THSD7B: variants seen among roughly 807,000 people sequenced by gnomAD.
The protein encoded by THSD7B is thrombospondin type 1 domain containing 7B.
A neutral mutation model predicts 213.6 loss-of-function variants in THSD7B; 138 were observed. That is an observed-to-expected ratio of 0.65 (90% CI 0.56 to 0.74). THSD7B has a LOEUF of 0.74. Ranked by LOEUF, THSD7B falls within the 30% of genes least tolerant of loss-of-function variation. THSD7B has a pLI of 0.00. For missense variants in THSD7B, 1,931 were observed against 1,991.5 expected (o/e 0.97, Z 0.58); for synonymous variants, 742 against 687.0 (o/e 1.08, Z -1.25).
chr2:137,058,693 G>A lies in THSD7B; in HGVS notation c.950+1463G>A, dbSNP rs375285182. 2.0e-5 allele frequency among the ~76,000 whole-genome samples: 3 copies of A among 152,152 alleles called. No homozygotes were observed. The East Asian group carries it at 5.8e-4, about 29-fold the overall frequency. ...ATTTATGTATCGAAATTCTAACCAT[G>A]AGTGTAATGTTTTTAGGAGGCATGG... On this transcript the variant is annotated intron_variant, in intron 3 of 27. Coordinates refer to ENST00000409968, the MANE Select transcript of THSD7B (RefSeq NM_001316349.2).
intron 2 of THSD7B, among the ~76,000 whole-genome samples, chr2:136,922,198 A>G (rs1684447795): frequency 6.6e-6 from 1 of 152,160 alleles, no homozygotes; most frequent in African/African-American, 2.4e-5. Context: ...TCCACATAGG[A>G]ACTCAGTATG....
intron 12 of THSD7B, among the ~76,000 whole-genome samples, chr2:137,285,400 A>G (rs917199656): frequency 1.3e-5 from 2 of 152,048 alleles, no homozygotes; most frequent in African/African-American, 4.8e-5. Context: ...GCCCATTAGC[A>G]TTTAAGGTTA....
intron 15 of THSD7B, among the ~76,000 whole-genome samples, chr2:137,453,562 C>CTCG (rs1553451162): frequency 6.6e-6 from 1 of 152,158 alleles, no homozygotes. Context: ...ATCTCCTGAC[C>CTCG]TCGTGCTCTG....
At chr2:137,514,421 C>A (rs1558823419) in intron 15 of THSD7B, among the ~76,000 whole-genome samples, 1 of 152,170 alleles carries the variant, frequency 6.6e-6, no homozygotes, top group Non-Finnish European at 1.5e-5. Context: ...ACATTGGACT[C>A]CAAGTTCTTC....
At chr2:137,477,564 A>G (rs1407115615) in intron 15 of THSD7B, among the ~76,000 whole-genome samples, 1 of 151,580 alleles carries the variant, frequency 6.6e-6, no homozygotes, top group Non-Finnish European at 1.5e-5. Flanking sequence ...CTTTCATTTT[A>G]TTAACTGATT....
chr2:137,595,832 A>G (rs979230029), intron 17 of THSD7B, among the ~76,000 whole-genome samples: 6 of 151,954 alleles, frequency 3.9e-5, no homozygotes, highest in Non-Finnish European at 5.9e-5. Context: ...ATTATTACAA[A>G]CTTCAAGTGA....
At chr2:137,013,455 A>G (rs1336628837) in intron 2 of THSD7B, among the ~76,000 whole-genome samples, 1 of 152,194 alleles carries the variant, frequency 6.6e-6, no homozygotes, top group Non-Finnish European at 1.5e-5. Flanking sequence ...TAGAGTTCTT[A>G]GGATAGGGTA....
chr2:137,319,654 C>T (rs1403988246), intron 12 of THSD7B, among the ~76,000 whole-genome samples: 3 of 152,194 alleles, frequency 2.0e-5, no homozygotes, highest in African/African-American at 7.2e-5. Flanking sequence ...CTCTACTCAA[C>T]TTATCAGTTC....
chr2:137,048,666 A>G (rs1350373830), intron 2 of THSD7B, among the ~76,000 whole-genome samples: 2 of 152,222 alleles, frequency 1.3e-5, no homozygotes, highest in South Asian at 2.1e-4. Flanking sequence ...CATAGTCCCA[A>G]CGTTACTGCC....
chr2:136,830,728 T>G (rs972366432), intron 1 of THSD7B, among the ~76,000 whole-genome samples: 1 of 152,230 alleles, frequency 6.6e-6, no homozygotes, highest in Non-Finnish European at 1.5e-5. Flanking sequence ...TCAGCCTATT[T>G]TTCAAATGTT....
intron 12 of THSD7B, among the ~76,000 whole-genome samples, chr2:137,317,123 G>GA (rs1220037107): frequency 6.6e-6 from 1 of 151,974 alleles, no homozygotes; most frequent in Non-Finnish European, 1.5e-5. Context: ...CAAATTTTTT[G>GA]TATATCTTGA....
At chr2:137,611,294 C>G (rs1364769821) in intron 17 of THSD7B, among the ~76,000 whole-genome samples, 3 of 151,298 alleles carry the variant, frequency 2.0e-5, no homozygotes, top group Non-Finnish European at 4.4e-5. Flanking sequence ...TAATTTTTAC[C>G]CTGAGTATAT....
At chr2:136,824,529 T>G (rs1189536341) in intron 1 of THSD7B, among the ~76,000 whole-genome samples, 1 of 152,218 alleles carries the variant, frequency 6.6e-6, no homozygotes, top group African/African-American at 2.4e-5. Flanking sequence ...TGAGCTTCAG[T>G]ATTTTGAGTG....
At chr2:137,561,308 G>T (rs1204762836) in intron 15 of THSD7B, among the ~76,000 whole-genome samples, 27 of 152,128 alleles carry the variant, frequency 1.8e-4, no homozygotes, top group Non-Finnish European at 3.5e-4. Flanking sequence ...TGACCTTGGG[G>T]CTTTATATGG....
At chr2:137,157,342 G>A (rs9636227) in intron 5 of THSD7B, among the ~76,000 whole-genome samples, 111,866 of 152,076 alleles carry the variant, frequency 0.74, 41,391 homozygotes, top group Middle Eastern at 0.76. Context: ...GGGACACTGA[G>A]AAGTGGCCCA....
chr2:137,667,933 C>T, intron 27 of THSD7B, 72 bp downstream of exon 27: 1 of 1,262,714 alleles, frequency 7.9e-7, no homozygotes, highest in South Asian at 1.4e-5. Context: ...AAACAAGTAT[C>T]TCAGGATCAT....
intron 20 of THSD7B, among the ~76,000 whole-genome samples, chr2:137,624,271 C>T (rs967022584): frequency 1.4e-4 from 21 of 152,312 alleles, no homozygotes; most frequent in Non-Finnish European, 2.5e-4. Flanking sequence ...AACTGGCCAG[C>T]CAGATGTAGA....
chr2:136,982,300 G>A (rs1685589689), intron 2 of THSD7B, among the ~76,000 whole-genome samples: 1 of 93,958 alleles, frequency 1.1e-5, no homozygotes, highest in Admixed American at 1.4e-4. Context: ...TACATTTGGT[G>A]CTATGTGAGC....
At chr2:137,430,777 C>T (rs910875858) in intron 14 of THSD7B, among the ~76,000 whole-genome samples, 1 of 152,104 alleles carries the variant, frequency 6.6e-6, no homozygotes, top group African/African-American at 2.4e-5. Context: ...GAGAGAGTGA[C>T]GTTGGTCCTG....
Sources: gnomAD v4.1 joint callset for allele counts (sites outside exome capture counted in the v4.1 genomes callset) on GRCh38, gnomAD v4.1.1 for gene constraint, MANE v1.5 for transcripts, NCBI Gene and HGNC (gene_info 2026-07-23, HGNC 2026-07-21) for gene names.